TRAF3IP1: variants seen among roughly 807,000 people sequenced by gnomAD.
TRAF3IP1 encodes TRAF3-interacting protein 1.
Under a neutral mutation model 89.9 loss-of-function variants are expected in TRAF3IP1, and 53 were observed. The observed-to-expected ratio is 0.59, with a 90% CI of 0.47 to 0.74. The LOEUF is 0.74. TRAF3IP1 is among the 30% of genes least tolerant of loss of function. The pLI is 0.00. For synonymous variants in TRAF3IP1, 311 were observed against 322.1 expected, an observed-to-expected ratio of 0.97 and a Z score of 0.37; for missense variants, 806 against 866.1, an observed-to-expected ratio of 0.93 and a Z score of 0.87.
At position 238,399,250 on chromosome 2, in the gene TRAF3IP1, T is replaced by C. The variant is rs949472491; in HGVS notation, c.*331T>C. ...AGAACTCTCTAGCAGGTAAGTGGTGTGGGCATACCAAGGGAACAGTAGTCC... is the reference window on the plus strand; with the variant it reads ...AGAACTCTCTAGCAGGTAAGTGGTGCGGGCATACCAAGGGAACAGTAGTCC... On this transcript the variant is annotated 3_prime_UTR_variant, in exon 17 of 17. Coordinates refer to ENST00000373327, the MANE Select transcript of TRAF3IP1 (RefSeq NM_015650.4). The C allele has an allele frequency of 1.1e-5, 2 of 185,272 alleles. No individual in the cohort carries two copies. The highest frequency in any genetic ancestry group is 5.6e-5 in the Admixed American group (1 of 17,866). 11.5% of individuals were successfully genotyped at this position (185,272 alleles called of 1,614,324 possible).
intron 15 of TRAF3IP1, among the ~76,000 whole-genome samples, chr2:238,369,259 A>C (rs1700007500): frequency 6.6e-6 from 1 of 152,210 alleles, no homozygotes; most frequent in Admixed American, 6.5e-5. Flanking sequence ...TTAGCTTTCT[A>C]AGAAAAGCGG....
chr2:238,355,261 T>C (rs986163590), intron 14 of TRAF3IP1, among the ~76,000 whole-genome samples: 1 of 152,110 alleles, frequency 6.6e-6, no homozygotes, highest in Non-Finnish European at 1.5e-5. Flanking sequence ...CCCTCTACTC[T>C]CCCTGTCTCC....
intron 10 of TRAF3IP1, among the ~76,000 whole-genome samples, chr2:238,348,172 A>G (rs1404734485): frequency 6.6e-6 from 1 of 152,084 alleles, no homozygotes; most frequent in Non-Finnish European, 1.5e-5. Context: ...TAAACATAAT[A>G]TGGTATACCA....
At chr2:238,346,061 A>C (rs1698879689) in intron 9 of TRAF3IP1, among the ~76,000 whole-genome samples, 1 of 151,910 alleles carries the variant, frequency 6.6e-6, no homozygotes, top group African/African-American at 2.4e-5. Context: ...TGTTCCTAAC[A>C]CCCTGGTGTT....
At chr2:238,342,543 A>G (rs1450860461) in intron 8 of TRAF3IP1, among the ~76,000 whole-genome samples, 2 of 152,180 alleles carry the variant, frequency 1.3e-5, no homozygotes, top group East Asian at 3.8e-4. Flanking sequence ...AAGATAATGC[A>G]TTTATAATTT....
intron 15 of TRAF3IP1, among the ~76,000 whole-genome samples, chr2:238,396,436 G>C (rs1701221644): frequency 6.7e-6 from 1 of 150,112 alleles, no homozygotes; most frequent in Admixed American, 6.7e-5. Flanking sequence ...GTTAAATGAC[G>C]AGTTAATGGG....
chr2:238,358,908 C>G (rs1232463912), intron 15 of TRAF3IP1, among the ~76,000 whole-genome samples: 3 of 152,206 alleles, frequency 2.0e-5, no homozygotes, highest in African/African-American at 2.4e-5. Flanking sequence ...AGTGTCTCTT[C>G]CAGCAAGAAT....
In TRAF3IP1 at chr2:238,334,167, G is replaced by A. The variant is rs113562935; in HGVS notation, c.1063+132G>A. 1.6e-5 allele frequency: 11 copies of A among 704,552 alleles called. No homozygotes were observed. The African/African-American group carries it at 1.6e-4, about 11-fold the overall frequency. 43.6% of individuals were successfully genotyped at this position (704,552 alleles called of 1,614,324 possible). A position where few individuals can be genotyped will look rare whatever the true frequency, so the allele number is the denominator to read the frequency against. On this transcript the variant is annotated intron_variant, in intron 7 of 16. Coordinates refer to ENST00000373327, the MANE Select transcript of TRAF3IP1 (RefSeq NM_015650.4). Reference sequence around the variant, plus strand: ...GACTTGCTGTGTCTGGGAATGAACAGCGTGTGGAAATAATGAAGATTTGTG... The same window carrying A: ...GACTTGCTGTGTCTGGGAATGAACAACGTGTGGAAATAATGAAGATTTGTG...
chr2:238,380,383 T>C (rs1177846540), intron 15 of TRAF3IP1, among the ~76,000 whole-genome samples: 1 of 152,166 alleles, frequency 6.6e-6, no homozygotes, highest in African/African-American at 2.4e-5. Context: ...GGTGTCTTCA[T>C]GCCCAGGAAG....
rs1263851923 is a variant in TRAF3IP1 at position 238,325,319 on chromosome 2, C to A, written c.137C>A (p.Thr46Asn). Residue 46 changes from threonine (T) to asparagine (N), a missense_variant, in exon 2 of 17, where the codon ACT (threonine) becomes AAT (asparagine). This residue lies in a region of TRAF3IP1 where 732 missense variants were observed against 780.5 expected (regional missense o/e 0.94). Transcript: ENST00000373327. Reference sequence around the variant, plus strand: ...TCTCTCTTGAAGGTGATTAGAATGACTGGTTTCATGAAGGGCCTCTACACA... The same window carrying A: ...TCTCTCTTGAAGGTGATTAGAATGAATGGTTTCATGAAGGGCCTCTACACA... ...HDIITEVIRM[T>N]GFMKGLYTDA... 1 of 1,614,090 alleles carries A rather than the reference C, an allele frequency of 6.2e-7. No homozygotes were observed. The highest frequency in any genetic ancestry group is 8.5e-7 in the Non-Finnish European group (1 of 1,180,010).
chr2:238,361,390 TTC>T lies in TRAF3IP1; in HGVS notation c.1689+5312_1689+5313del, dbSNP rs1699653467. ...TTTCTTTATACATTATTTATTTTTTTTCTTTTTGTTATGGCCAAGAGTTTAAG... is the reference window on the plus strand; with the variant it reads ...TTTCTTTATACATTATTTATTTTTTTTTTTTGTTATGGCCAAGAGTTTAAG... On this transcript the variant is annotated intron_variant, in intron 15 of 16. Coordinates refer to ENST00000373327, the MANE Select transcript of TRAF3IP1 (RefSeq NM_015650.4). Among the ~76,000 whole-genome samples the T allele has an allele frequency of 1.1e-4, 17 of 152,318 alleles. No individual in the cohort carries two copies. The South Asian group carries it at 3.5e-3, about 32-fold the overall frequency.
At chr2:238,350,092 C>G (rs1699081686) in intron 12 of TRAF3IP1, among the ~76,000 whole-genome samples, 2 of 151,732 alleles carry the variant, frequency 1.3e-5, no homozygotes, top group East Asian at 1.9e-4. Flanking sequence ...AAGTCATAAG[C>G]AATATAAAGA....
At chr2:238,334,157 G>T in intron 7 of TRAF3IP1, 122 bp downstream of exon 7, 1 of 737,780 alleles carries the variant, frequency 1.4e-6, no homozygotes, top group Admixed American at 2.7e-5. Flanking sequence ...GCTGTGTCTG[G>T]GAATGAACAG....
chr2:238,367,274 G>A (rs978679923), intron 15 of TRAF3IP1, among the ~76,000 whole-genome samples: 1 of 151,210 alleles, frequency 6.6e-6, no homozygotes, highest in African/African-American at 2.4e-5. Flanking sequence ...GGAGAGAAGT[G>A]TAGGAGGTAT....
Position 238,352,907 on chromosome 2 carries a change from T to A in TRAF3IP1, c.1532T>A (p.Val511Glu). Residue 511 changes from valine to glutamate, a missense_variant, in exon 13 of 17, where the codon GTG becomes GAG. Val to Glu is a moderately radical substitution (Grantham distance 121). Around this residue, in one of 3 missense-constraint regions of TRAF3IP1, gnomAD observed 732 missense variants for 780.5 expected, o/e 0.94. Coordinates refer to ENST00000373327, the MANE Select transcript of TRAF3IP1 (RefSeq NM_015650.4). ...SDNEEDDQFVVEAAPQLSEMS... is the reference protein window; with the variant it reads ...SDNEEDDQFVEEAAPQLSEMS... ...AATGAAGAGGATGATCAATTTGTGGTGGAAGCTGCCCCTCAGCTCTCTGAA... is the reference window on the plus strand; with the variant it reads ...AATGAAGAGGATGATCAATTTGTGGAGGAAGCTGCCCCTCAGCTCTCTGAA... The A allele has an allele frequency of 6.2e-7, 1 of 1,613,980 alleles. No individual in the cohort carries two copies. Among genetic ancestry groups the A allele is most frequent in the South Asian group, 1.1e-5 (1 of 90,972 alleles).
rs952833921 is a variant in TRAF3IP1, at chr2:238,345,874, C to T, written c.1261+1276C>T. The stretch of plus-strand genomic sequence containing the variant: ...ACTGGCGCTGTGGAAGCACAGGCGT[C>T]GGGGAGGATGGTGTGGGCCATGTGG... On this transcript the variant is annotated intron_variant, in intron 9 of 16. Transcript: ENST00000373327. This position sits in a 1 kb window ranked among gnomAD's most constrained non-coding sequence, Gnocchi z 4.7. 1.4e-4 allele frequency among the ~76,000 whole-genome samples: 22 copies of T among 152,132 alleles called. No homozygotes were observed. Among genetic ancestry groups the T allele is most frequent in the African/African-American group, 4.3e-4 (18 of 41,490 alleles).
Position 238,329,266 on chromosome 2 carries a change from G to A in TRAF3IP1, c.839G>A (p.Arg280Gln), listed in dbSNP as rs1406514722. ...DRDKGKDRDR[R>Q]RVKNGEHSWD... ...GACAAAGGGAAGGACAGGGACAGAC[G>A]GAGAGTGAAAAACGGGGAGCACTCC... The change falls in exon 5 of 17, where the codon CGG (arginine) becomes CAG (glutamine). Residue 280 changes from arginine to glutamine, a missense_variant. Physicochemically the swap from Arg to Gln is conservative, Grantham distance 43. Transcript: ENST00000373327. 41 of 1,495,736 alleles carry A rather than the reference G, an allele frequency of 2.7e-5. No individual in the cohort carries two copies. Among genetic ancestry groups the A allele is most frequent in the Non-Finnish European group, 3.6e-5 (40 of 1,124,366 alleles). 92.7% of individuals were successfully genotyped at this position (1,495,736 alleles called of 1,614,324 possible). A position where few individuals can be genotyped will look rare whatever the true frequency, so the allele number is the denominator to read the frequency against.
chr2:238,390,878 T>G (rs1559396686), intron 15 of TRAF3IP1, among the ~76,000 whole-genome samples: 2 of 152,096 alleles, frequency 1.3e-5, no homozygotes. Flanking sequence ...CGGGTCCTGC[T>G]GCCCCCGAAT....
intron 5 of TRAF3IP1, among the ~76,000 whole-genome samples, chr2:238,330,951 T>C (rs1698087937): frequency 6.6e-6 from 1 of 152,166 alleles, no homozygotes; most frequent in African/African-American, 2.4e-5. Flanking sequence ...TTTTGCTCCT[T>C]TTTAGAGGTG....
Sources: allele counts gnomAD v4.1 joint callset (sites outside exome capture counted in the v4.1 genomes callset), GRCh38; gene constraint gnomAD v4.1.1; regional missense constraint gnomAD v4.1.1; non-coding constraint Gnocchi (gnomAD v3.1); transcripts MANE v1.5; gene names NCBI Gene and HGNC (gene_info 2026-07-23, HGNC 2026-07-21).